CDH13: variants seen among roughly 807,000 people sequenced by gnomAD.
The protein encoded by CDH13 is cadherin 13, also known as cadherin-13.
In CDH13, 24 loss-of-function variants were observed where a neutral mutation model predicts 63.8. The observed-to-expected ratio is 0.38, with a 90% CI of 0.27 to 0.53. CDH13 has a LOEUF of 0.53. CDH13 is among the 20% of genes least tolerant of loss of function. The pLI, the probability that CDH13 is intolerant of heterozygous loss-of-function variation, is 0.85. For missense variants in CDH13, 1,049 were observed against 903.1 expected, an observed-to-expected ratio of 1.16 and a Z score of -2.07; for synonymous variants, 503 against 355.3, an observed-to-expected ratio of 1.42 and a Z score of -4.67.
Position 82,865,139 on chromosome 16 carries a change from C to G in CDH13, c.157+6666C>G, listed in dbSNP as rs114693531. 2.2e-3 allele frequency among the ~76,000 whole-genome samples: 338 copies of G among 152,318 alleles called. 1 individual carries two copies. The highest frequency in any genetic ancestry group is 7.9e-3 in the African/African-American group (327 of 41,562). ...CCCCATGGCTTTGTGGGGTACAGCC[C>G]CACTCCCAGCTGCTTTCACAGGCTG... On this transcript the variant is annotated intron_variant, in intron 2 of 13. Transcript: ENST00000567109.
intron 6 of CDH13, among the ~76,000 whole-genome samples, chr16:83,449,418 G>C (rs1011475944): frequency 6.6e-6 from 1 of 152,148 alleles, no homozygotes; most frequent in Non-Finnish European, 1.5e-5. Context: ...ACACATCTTC[G>C]TCATGTCCTT....
At position 83,047,594 on chromosome 16, in the gene CDH13, A is replaced by T; in HGVS notation, c.366+15376A>T. On this transcript the variant is annotated intron_variant, in intron 3 of 13. Transcript: ENST00000567109. The surrounding 1 kb of genome is among the most constrained non-coding windows in gnomAD (Gnocchi z 4.9). ...AAAAAAAGCTCCCTGTATTTTCCCA[A>T]ATTCTGCATAAATAAAATAATATGC... 6.6e-6 allele frequency among the ~76,000 whole-genome samples: 1 copy of T among 152,202 alleles called. No homozygotes were observed. Among genetic ancestry groups the T allele is most frequent in the Admixed American group, 6.5e-5 (1 of 15,282 alleles).
At chr16:83,736,156 A>G (rs1911520216) in intron 10 of CDH13, among the ~76,000 whole-genome samples, 1 of 152,202 alleles carries the variant, frequency 6.6e-6, no homozygotes, top group Non-Finnish European at 1.5e-5. Flanking sequence ...AGACTTGATC[A>G]GTCATTAATA....
At chr16:83,685,725 G>A (rs181424139) in intron 10 of CDH13, among the ~76,000 whole-genome samples, 6 of 152,288 alleles carry the variant, frequency 3.9e-5, no homozygotes, top group African/African-American at 4.8e-5. Flanking sequence ...ATCCCAAGTC[G>A]AGAAGAAGGA....
chr16:83,260,707 C>T (rs536349582), intron 5 of CDH13, among the ~76,000 whole-genome samples: 181 of 152,272 alleles, frequency 1.2e-3, no homozygotes, highest in African/African-American at 4.0e-3. Context: ...TGGCCTCCAC[C>T]GACAGCCCCA....
chr16:82,843,965 C>T (rs67289022), intron 1 of CDH13, among the ~76,000 whole-genome samples: 18,018 of 152,198 alleles, frequency 0.12, 1,219 homozygotes, highest in Non-Finnish European at 0.16. Flanking sequence ...ATGACTCCCT[C>T]GTGGATATTT....
intron 5 of CDH13, among the ~76,000 whole-genome samples, chr16:83,329,760 G>A (rs887454346): frequency 1.3e-5 from 2 of 152,104 alleles, no homozygotes; most frequent in Admixed American, 1.3e-4. Context: ...GCTCATATAA[G>A]TGGAATCACA....
In CDH13 at chr16:82,896,276, ATTTTTTTTTTTTTTT is replaced by A. The variant is rs59677448; in HGVS notation, c.157+37822_157+37836del. Among the ~76,000 whole-genome samples, 71 of 87,870 alleles carry A rather than the reference ATTTTTTTTTTTTTTT, an allele frequency of 8.1e-4. 2 individuals carry two copies. The East Asian group carries it at 0.011, about 14-fold the overall frequency. The allele number at this position is 87,870 out of a possible 152,430, so 57.6% of individuals were successfully genotyped here. On this transcript the variant is annotated intron_variant, in intron 2 of 13. Coordinates refer to ENST00000567109, the MANE Select transcript of CDH13 (RefSeq NM_001257.5). Reference sequence around the variant, plus strand: ...GAGTCTTCTGAGAACTAGGATTAGGATTTTTTTTTTTTTTTTTTTTTTTTTTTTTTTTTGAAACAA... The same window carrying A: ...GAGTCTTCTGAGAACTAGGATTAGGATTTTTTTTTTTTTTTTTTGAAACAA...
chr16:83,451,241 G>A (rs1054779551), intron 6 of CDH13, among the ~76,000 whole-genome samples: 5 of 152,262 alleles, frequency 3.3e-5, no homozygotes, highest in African/African-American at 1.2e-4. Context: ...ACATGGCTGG[G>A]GAGGCCTCAC....
At position 83,453,312 on chromosome 16, in the gene CDH13, C is replaced by G. The variant is rs375199396; in HGVS notation, c.782-33165C>G. 1.8e-3 allele frequency among the ~76,000 whole-genome samples: 268 copies of G among 152,088 alleles called. 9 individuals are homozygous for G. The South Asian group carries it at 0.054, about 31-fold the overall frequency. Reference sequence around the variant, plus strand: ...TGCACCAAAATCTCACAAATTACCACTAAAGAACTTGCTCAGGTAACCAAA... The same window carrying G: ...TGCACCAAAATCTCACAAATTACCAGTAAAGAACTTGCTCAGGTAACCAAA... On this transcript the variant is annotated intron_variant, in intron 6 of 13. Transcript: ENST00000567109.
Position 83,216,404 on chromosome 16 carries a change from A to ATATATGTG in CDH13, c.484-936_484-935insGTGTATAT, listed in dbSNP as rs1481023092. Among the ~76,000 whole-genome samples, 2 of 56,534 alleles carry ATATATGTG rather than the reference A, an allele frequency of 3.5e-5. 1 individual carries two copies. The highest frequency in any genetic ancestry group is 6.5e-5 in the Non-Finnish European group (2 of 30,914). The allele number at this position is 56,534 out of a possible 152,430, so 37.1% of individuals were successfully genotyped here. A position where few individuals can be genotyped will look rare whatever the true frequency, so the allele number is the denominator to read the frequency against. ...CTCTGCCTCCAGCATTGAAATATAT[A>ATATATGTG]TATATATATATATATATATATATAT... On this transcript the variant is annotated intron_variant, in intron 4 of 13. Transcript: ENST00000567109.
At chr16:83,264,499 C>A (rs915214362) in intron 5 of CDH13, among the ~76,000 whole-genome samples, 1 of 151,414 alleles carries the variant, frequency 6.6e-6, no homozygotes, top group African/African-American at 2.4e-5. Context: ...ACATATTATA[C>A]ACATGTATGT....
chr16:82,853,814 G>A (rs1047411665), intron 1 of CDH13, among the ~76,000 whole-genome samples: 14 of 152,142 alleles, frequency 9.2e-5, no homozygotes, highest in African/African-American at 2.7e-4. Context: ...TATGATTGCC[G>A]TGGCATTAAA....
chr16:82,880,190 C>G (rs1361586242), intron 2 of CDH13, among the ~76,000 whole-genome samples: 6 of 151,962 alleles, frequency 3.9e-5, no homozygotes, highest in Non-Finnish European at 7.4e-5. Context: ...TATATATTTT[C>G]CACTTTGCAA....
chr16:82,774,130 T>A (rs1422611929), intron 1 of CDH13, among the ~76,000 whole-genome samples: 2 of 149,806 alleles, frequency 1.3e-5, no homozygotes, highest in Non-Finnish European at 3.0e-5. Context: ...GAATTCTCTT[T>A]AAAAAAAAAA....
chr16:83,001,741 G>A (rs1016336306), intron 2 of CDH13, among the ~76,000 whole-genome samples: 4 of 152,214 alleles, frequency 2.6e-5, no homozygotes, highest in African/African-American at 9.6e-5. Flanking sequence ...GACATTTGAT[G>A]TAAAGGATAT....
intron 5 of CDH13, among the ~76,000 whole-genome samples, chr16:83,224,452 G>T (rs990828432): frequency 2.0e-5 from 3 of 152,198 alleles, no homozygotes; most frequent in African/African-American, 7.2e-5. Context: ...CAGGTAACAG[G>T]CTTACACCTA....
At chr16:83,435,168 A>G (rs980802302) in intron 6 of CDH13, among the ~76,000 whole-genome samples, 14 of 151,546 alleles carry the variant, frequency 9.2e-5, no homozygotes, top group African/African-American at 3.4e-4. Flanking sequence ...TGCCTCAGCC[A>G]CCTGAGTAGC....
At chr16:82,994,767 G>T (rs1033018734) in intron 2 of CDH13, among the ~76,000 whole-genome samples, 1 of 152,162 alleles carries the variant, frequency 6.6e-6, no homozygotes, top group African/African-American at 2.4e-5. Flanking sequence ...AGATGATCTG[G>T]TTAAGGGGAA....
Sources: allele counts gnomAD v4.1 joint callset (sites outside exome capture counted in the v4.1 genomes callset), GRCh38; gene constraint gnomAD v4.1.1; non-coding constraint Gnocchi (gnomAD v3.1); transcripts MANE v1.5; gene names NCBI Gene and HGNC (gene_info 2026-07-23, HGNC 2026-07-21).